The following CPNE2 variants were observed in gnomAD, a reference collection of about 807,000 sequenced individuals.
CPNE2 encodes copine 2, also known as copine-2.
A neutral mutation model predicts 69.7 loss-of-function variants in CPNE2; 42 were observed. The observed-to-expected ratio is 0.60, with a 90% CI of 0.47 to 0.78. The LOEUF (loss-of-function observed/expected upper bound fraction) is 0.78, where lower values mean the gene tolerates loss of function less well. CPNE2 is among the 30% of genes least tolerant of loss of function. The pLI is 0.00. For missense variants in CPNE2, 587 were observed against 732.0 expected, an observed-to-expected ratio of 0.80 and a Z score of 2.29; for synonymous variants, 294 against 289.8, an observed-to-expected ratio of 1.01 and a Z score of -0.15.
Position 57,094,967 on chromosome 16 carries a change from C to T in CPNE2, c.-36+2177C>T, listed in dbSNP as rs536243564. 4.6e-5 allele frequency among the ~76,000 whole-genome samples: 7 copies of T among 152,304 alleles called. No individual in the cohort carries two copies. The East Asian group carries it at 7.7e-4, about 17-fold the overall frequency. ...GAGCAGGAGGCATCATCGCCAGGCA[C>T]GGTCCCGATCTGAGAAGCCCTCAGC... On this transcript the variant is annotated intron_variant, in intron 1 of 15. Coordinates refer to ENST00000290776, the MANE Select transcript of CPNE2 (RefSeq NM_152727.6).
intron 14 of CPNE2, chr16:57,145,796 TCCAG>T (rs2069952920): frequency 1.5e-5 from 7 of 454,502 alleles, no homozygotes; most frequent in Non-Finnish European, 2.4e-5. Flanking sequence ...AGGCCCAGAG[TCCAG>T]GGCTCTCAGA....
rs61063080 is a variant in CPNE2 at position 57,146,165 on chromosome 16, C to A, written c.1383C>A (p.Ser461=). The change falls in exon 15 of 16, where the codon TCC becomes TCA. Residue 461 remains serine (S), a synonymous_variant. Coordinates refer to ENST00000290776, the MANE Select transcript of CPNE2 (RefSeq NM_152727.6). This position sits in a 1 kb window ranked among gnomAD's most constrained non-coding sequence, Gnocchi z 4.4. ...EETRHAVVQA[S]KLPMSIIIVG... ...CACGGCATGCCGTGGTGCAGGCTTCCAAGCTGCCCATGTCCATCATCATCG... is the reference window on the plus strand; with the variant it reads ...CACGGCATGCCGTGGTGCAGGCTTCAAAGCTGCCCATGTCCATCATCATCG... The A allele has an allele frequency of 1.1e-3, 1,708 of 1,584,574 alleles. 15 individuals are homozygous for A. The African/African-American group carries it at 0.021, about 20-fold the overall frequency.
At chr16:57,094,119 T>G (rs1440440541) in intron 1 of CPNE2, 1 of 456,376 alleles carries the variant, frequency 2.2e-6, no homozygotes, top group Non-Finnish European at 4.4e-6. Flanking sequence ...CCCAGCCAGC[T>G]GGATTGGAAG....
chr16:57,109,350 C>T (rs1395867493), intron 1 of CPNE2, among the ~76,000 whole-genome samples: 1 of 151,934 alleles, frequency 6.6e-6, no homozygotes, highest in African/African-American at 2.4e-5. Context: ...GTTGTGGGTG[C>T]CTGTAGTCCC....
At chr16:57,132,349 G>T (rs1247687351) in intron 12 of CPNE2, among the ~76,000 whole-genome samples, 1 of 152,186 alleles carries the variant, frequency 6.6e-6, no homozygotes, top group Non-Finnish European at 1.5e-5. Flanking sequence ...AACGGGATCT[G>T]GGCAGAAGGC....
At chr16:57,099,775 AT>A (rs776284229) in intron 1 of CPNE2, among the ~76,000 whole-genome samples, 3,143 of 101,396 alleles carry the variant, frequency 0.031, 75 homozygotes, top group African/African-American at 0.094. Flanking sequence ...CTAATTTTTG[AT>A]TTTTTTTTTT....
rs148941743 is a variant in CPNE2, at chr16:57,132,869, G to T, written c.1117-1906G>T. On this transcript the variant is annotated intron_variant, in intron 12 of 15. Transcript: ENST00000290776. The stretch of plus-strand genomic sequence containing the variant: ...GGAGACAACCTCTGGGGCCTCTGGG[G>T]CAGATGGACAACCTTCCACAGCCCC... Among the ~76,000 whole-genome samples, 575 of 152,192 alleles carry T rather than the reference G, an allele frequency of 3.8e-3. 1 individual carries two copies. The highest frequency in any genetic ancestry group is 0.013 in the African/African-American group (526 of 41,502).
At chr16:57,123,311 A>T in intron 9 of CPNE2, 103 bp from the exon 10 acceptor site, 1 of 1,192,974 alleles carries the variant, frequency 8.4e-7, no homozygotes, top group Non-Finnish European at 1.2e-6. Flanking sequence ...GCTTTTTTTG[A>T]CCTCCTTGTC....
chr16:57,094,659 T>C (rs577674110), intron 1 of CPNE2, among the ~76,000 whole-genome samples: 1 of 152,276 alleles, frequency 6.6e-6, no homozygotes, highest in South Asian at 2.1e-4. Context: ...GAGTGCCTGG[T>C]TAACTGTCAT....
intron 14 of CPNE2, chr16:57,142,462 G>A (rs2069929467): frequency 6.6e-6 from 1 of 152,404 alleles, no homozygotes; most frequent in Non-Finnish European, 1.5e-5. Context: ...AGGAGGTGGG[G>A]TGAGGTGAGG....
At chr16:57,147,522 T>TC in intron 15 of CPNE2, 29 bp from the exon 16 acceptor site, 1 of 1,490,212 alleles carries the variant, frequency 6.7e-7, no homozygotes, top group South Asian at 1.3e-5. Context: ...TTCTCTCTCT[T>TC]CCCCACCCCA....
Position 57,146,206 on chromosome 16 carries a change from C to A in CPNE2, c.1424C>A (p.Ala475Glu), listed in dbSNP as rs866668979. The A allele has an allele frequency of 6.4e-7, 1 of 1,569,526 alleles. No homozygotes were observed. The highest frequency in any genetic ancestry group is 2.4e-5 in the East Asian group (1 of 42,396). The change falls in exon 15 of 16, where the codon GCG (alanine) becomes GAG (glutamate). Residue 475 changes from alanine to glutamate, a missense_variant. Ala to Glu is a moderately radical substitution (Grantham distance 107). Transcript: ENST00000290776. This position sits in a 1 kb window ranked among gnomAD's most constrained non-coding sequence, Gnocchi z 4.4. ...ATCATCATCGTGGGCGTGGGCAATG[C>A]GGACTTCGCTGCCATGGAGTTCCTG... ...MSIIIVGVGNADFAAMEFLDG... is the reference protein window; with the variant it reads ...MSIIIVGVGNEDFAAMEFLDG...
At chr16:57,122,705 G>A (rs1183666010) in intron 9 of CPNE2, among the ~76,000 whole-genome samples, 1 of 152,162 alleles carries the variant, frequency 6.6e-6, no homozygotes, top group African/African-American at 2.4e-5. Flanking sequence ...GGATTCTCCT[G>A]CCTCAGCCTC....
In CPNE2 at chr16:57,146,392, A is replaced by C; in HGVS notation, c.1539+71A>C. 1 of 1,336,454 alleles carries C rather than the reference A, an allele frequency of 7.5e-7. No homozygotes were observed. 82.8% of individuals were successfully genotyped at this position (1,336,454 alleles called of 1,614,324 possible). A position where few individuals can be genotyped will look rare whatever the true frequency, so the allele number is the denominator to read the frequency against. ...CCACCATAGCTCATAATCAAGCTTG[A>C]GAGTCTTGGGGTTGTCTGGCCCAAT... is the stretch of plus-strand genomic sequence containing the variant. On this transcript the variant is annotated intron_variant, in intron 15 of 15. Coordinates refer to ENST00000290776, the MANE Select transcript of CPNE2 (RefSeq NM_152727.6). This position sits in a 1 kb window ranked among gnomAD's most constrained non-coding sequence, Gnocchi z 4.4.
At chr16:57,141,770 A>G (rs1301266060) in intron 14 of CPNE2, 1 of 152,242 alleles carries the variant, frequency 6.6e-6, no homozygotes, top group Non-Finnish European at 1.5e-5. Flanking sequence ...CTAGAACTAG[A>G]TAGGCATAGA....
In CPNE2 at chr16:57,115,557, G is replaced by A; in HGVS notation, c.435+7G>A. 1.9e-6 allele frequency: 3 copies of A among 1,607,294 alleles called. No individual in the cohort carries two copies. The highest frequency in any genetic ancestry group is 1.1e-5 in the South Asian group (1 of 90,444). ...GGGGAAGGGCTTGATTACGGTACCA[G>A]TCCCCTCCCGGCTCTCCGCACCCCC... On this transcript the variant is annotated splice_region_variant and intron_variant, in intron 4 of 15. Coordinates refer to ENST00000290776, the MANE Select transcript of CPNE2 (RefSeq NM_152727.6).
chr16:57,133,178 C>G (rs924847189), intron 12 of CPNE2, among the ~76,000 whole-genome samples: 3 of 152,202 alleles, frequency 2.0e-5, no homozygotes, highest in Admixed American at 6.5e-5. Flanking sequence ...CCTCCAGCCC[C>G]CAAACCTGGA....
intron 10 of CPNE2, 104 bp from the exon 11 acceptor site, chr16:57,125,756 T>C: frequency 1.4e-6 from 2 of 1,409,562 alleles, no homozygotes; most frequent in Non-Finnish European, 1.9e-6. Context: ...GGCTGGGAGA[T>C]GAGTGGGCTT....
intron 14 of CPNE2, chr16:57,143,349 A>G (rs2145285959): frequency 6.6e-6 from 1 of 152,438 alleles, no homozygotes; most frequent in South Asian, 2.1e-4. Flanking sequence ...GGTGCGGGTT[A>G]AAGTCCAGTA....
Sources: allele counts gnomAD v4.1 joint callset (sites outside exome capture counted in the v4.1 genomes callset), GRCh38; gene constraint gnomAD v4.1.1; non-coding constraint Gnocchi (gnomAD v3.1); transcripts MANE v1.5; gene names NCBI Gene and HGNC (gene_info 2026-07-23, HGNC 2026-07-21).